LPP: variants seen among roughly 807,000 people sequenced by gnomAD.
LPP encodes the protein lipoma-preferred partner.
LPP carries 38 observed loss-of-function variants against 60.4 expected under a neutral mutation model. The observed-to-expected ratio is 0.63, with a 90% CI of 0.49 to 0.83. The LOEUF is 0.83. Among genes scored for constraint, LPP ranks in the 40% least tolerant of loss-of-function variants. LPP has a pLI of 0.00. For synonymous variants in LPP, 328 were observed against 290.8 expected (o/e 1.13, Z -1.30); for missense variants, 902 against 783.6 (o/e 1.15, Z -1.80).
chr3:188,689,917 A>ATTTT (rs35411155), intron 7 of LPP, among the ~76,000 whole-genome samples: 2 of 147,648 alleles, frequency 1.4e-5, no homozygotes, highest in East Asian at 2.0e-4. Flanking sequence ...TTCTGAGCTC[A>ATTTT]TTTTTTTTTT....
At chr3:188,283,457 T>A in intron 2 of LPP, among the ~76,000 whole-genome samples, 1 of 152,204 alleles carries the variant, frequency 6.6e-6, no homozygotes, top group Non-Finnish European at 1.5e-5. Flanking sequence ...GCTCACATGA[T>A]GTGCTTGATA....
intron 2 of LPP, among the ~76,000 whole-genome samples, chr3:188,317,046 T>C (rs989094626): frequency 2.6e-5 from 4 of 152,228 alleles, no homozygotes; most frequent in Non-Finnish European, 4.4e-5. Context: ...AGACTTAGTT[T>C]CTTGTCTCCC....
At chr3:188,155,581 A>G (rs1322326003) in intron 1 of LPP, among the ~76,000 whole-genome samples, 2 of 152,204 alleles carry the variant, frequency 1.3e-5, no homozygotes, top group African/African-American at 4.8e-5. Context: ...AAGGTCCACG[A>G]AGGTGGGTGC....
intron 2 of LPP, among the ~76,000 whole-genome samples, chr3:188,278,103 G>T (rs1236029554): frequency 6.6e-6 from 1 of 152,118 alleles, no homozygotes; most frequent in African/African-American, 2.4e-5. Context: ...CCAGGCACTG[G>T]GTAAATTGCT....
rs571612006 is a variant in LPP at position 188,343,258 on chromosome 3, C to T, written c.-10+1539C>T. Among the ~76,000 whole-genome samples the T allele has an allele frequency of 5.3e-5, 8 of 152,072 alleles. No individual in the cohort carries two copies. The East Asian group carries it at 5.8e-4, about 11-fold the overall frequency. On this transcript the variant is annotated intron_variant, in intron 3 of 11. Coordinates refer to ENST00000617246, the MANE Select transcript of LPP (RefSeq NM_001375462.1). ...ACTCCCACTTCTGAGTGAGAACATG[C>T]GGTGTTTGGAAGCCATCATTCTCAG...
At chr3:188,488,154 G>C (rs545147065) in intron 5 of LPP, among the ~76,000 whole-genome samples, 107 of 151,954 alleles carry the variant, frequency 7.0e-4, no homozygotes, top group Non-Finnish European at 1.5e-3. Flanking sequence ...GTCCCAGATG[G>C]CCCATGAACT....
intron 9 of LPP, among the ~76,000 whole-genome samples, chr3:188,864,060 C>T (rs1011608430): frequency 6.6e-6 from 1 of 151,580 alleles, no homozygotes; most frequent in Non-Finnish European, 1.5e-5. Context: ...AGAAAAGAAA[C>T]AGGCCCTCAT....
intron 8 of LPP, among the ~76,000 whole-genome samples, chr3:188,750,110 A>G (rs1019011985): frequency 3.9e-5 from 6 of 152,216 alleles, no homozygotes; most frequent in African/African-American, 1.4e-4. Context: ...CACATGGCAG[A>G]CAGTGGAAGA....
intron 1 of LPP, among the ~76,000 whole-genome samples, chr3:188,156,905 A>G (rs1484469581): frequency 1.3e-5 from 2 of 151,252 alleles, no homozygotes; most frequent in African/African-American, 4.9e-5. Flanking sequence ...TACTCGACAT[A>G]GGTTACTGAA....
chr3:188,738,933 T>C (rs1452793284), intron 8 of LPP, among the ~76,000 whole-genome samples: 1 of 152,106 alleles, frequency 6.6e-6, no homozygotes, highest in African/African-American at 2.4e-5. Context: ...AAATAATGGC[T>C]TGCCCCTGCA....
intron 6 of LPP, among the ~76,000 whole-genome samples, chr3:188,582,770 C>T (rs563741881): frequency 2.2e-4 from 34 of 152,282 alleles, no homozygotes; most frequent in African/African-American, 7.9e-4. Context: ...CAATGTTGTT[C>T]GGTATGTGGC....
chr3:188,562,063 AG>A (rs1830827904), intron 6 of LPP, among the ~76,000 whole-genome samples: 1 of 151,862 alleles, frequency 6.6e-6, no homozygotes, highest in Non-Finnish European at 1.5e-5. Context: ...AGACACACAC[AG>A]ACACACACAG....
intron 6 of LPP, among the ~76,000 whole-genome samples, chr3:188,577,851 C>G (rs74594700): frequency 7.2e-5 from 6 of 83,564 alleles, no homozygotes; most frequent in African/African-American, 1.3e-4. Context: ...TGCCCTTTCT[C>G]TCTCTCTCTT....
intron 2 of LPP, among the ~76,000 whole-genome samples, chr3:188,233,520 A>C (rs761756879): frequency 7.8e-4 from 118 of 152,202 alleles, no homozygotes; most frequent in Admixed American, 6.5e-4. Flanking sequence ...TTTCCTTTTA[A>C]ATCTGAGGCC....
At chr3:188,504,042 T>C (rs774626361) in intron 5 of LPP, among the ~76,000 whole-genome samples, 1 of 152,220 alleles carries the variant, frequency 6.6e-6, no homozygotes, top group Non-Finnish European at 1.5e-5. Context: ...CTTTTCTCTC[T>C]GTCTCATACT....
At chr3:188,161,208 TG>T (rs1224618705) in intron 1 of LPP, among the ~76,000 whole-genome samples, 4 of 152,016 alleles carry the variant, frequency 2.6e-5, no homozygotes, top group Non-Finnish European at 5.9e-5. Flanking sequence ...AGGAGGGCCT[TG>T]TTGGATCTGT....
At position 188,888,043 on chromosome 3, in the gene LPP, T is replaced by G; in HGVS notation, c.*13564T>G. 1 of 216,974 alleles carries G rather than the reference T, an allele frequency of 4.6e-6. No individual in the cohort carries two copies. 13.4% of individuals were successfully genotyped at this position (216,974 alleles called of 1,614,324 possible). A position where few individuals can be genotyped will look rare whatever the true frequency, so the allele number is the denominator to read the frequency against. ...TATAAAATTATCATGTGGCTTAATGTGCCTTAAGTGAAAATTTAAACTTAG... is the reference window on the plus strand; with the variant it reads ...TATAAAATTATCATGTGGCTTAATGGGCCTTAAGTGAAAATTTAAACTTAG... On this transcript the variant is annotated 3_prime_UTR_variant, in exon 12 of 12. Coordinates refer to ENST00000617246, the MANE Select transcript of LPP (RefSeq NM_001375462.1).
In LPP at chr3:188,327,759, G is replaced by A. The variant is rs534568187; in HGVS notation, c.-66-13904G>A. On this transcript the variant is annotated intron_variant, in intron 2 of 11. Coordinates refer to ENST00000617246, the MANE Select transcript of LPP (RefSeq NM_001375462.1). ...GAGCTACTCTTTATCTTTCCTAGTGGTTTAGAGCCAAAGTAGATTAGTGCT... is the reference window on the plus strand; with the variant it reads ...GAGCTACTCTTTATCTTTCCTAGTGATTTAGAGCCAAAGTAGATTAGTGCT... Among the ~76,000 whole-genome samples the A allele has an allele frequency of 5.2e-4, 79 of 152,240 alleles. No individual in the cohort carries two copies. In the South Asian group the frequency reaches 0.016, roughly 30 times the overall value.
intron 6 of LPP, among the ~76,000 whole-genome samples, chr3:188,558,021 G>A (rs1442469703): frequency 2.0e-5 from 3 of 152,038 alleles, no homozygotes; most frequent in Admixed American, 6.6e-5. Flanking sequence ...GAAAGCATGC[G>A]TGTTTGTACA....
Sources: gnomAD v4.1 joint callset for allele counts (sites outside exome capture counted in the v4.1 genomes callset) on GRCh38, gnomAD v4.1.1 for gene constraint, MANE v1.5 for transcripts, NCBI Gene and HGNC (gene_info 2026-07-23, HGNC 2026-07-21) for gene names.